The following KSR1 variants were observed in gnomAD, a reference collection of about 807,000 sequenced individuals.
KSR1 encodes kinase suppressor of ras 1.
KSR1 carries 35 observed loss-of-function variants against 92.9 expected under a neutral mutation model. The observed-to-expected ratio is 0.38, with a 90% CI of 0.29 to 0.50. KSR1 has a LOEUF of 0.50. Ranked by LOEUF, KSR1 falls within the 20% of genes least tolerant of loss-of-function variation. KSR1 has a pLI of 0.94. For missense variants in KSR1, 972 were observed against 1,158.5 expected (o/e 0.84, Z 2.34); for synonymous variants, 467 against 472.6 (o/e 0.99, Z 0.15).
At chr17:27,506,527 T>A (rs1253294725) in intron 1 of KSR1, among the ~76,000 whole-genome samples, 1 of 152,190 alleles carries the variant, frequency 6.6e-6, no homozygotes, top group Non-Finnish European at 1.5e-5. Context: ...GGTTGCACAT[T>A]TCGGTGATTT....
At chr17:27,562,908 T>C (rs1389014228) in intron 2 of KSR1, among the ~76,000 whole-genome samples, 1 of 152,204 alleles carries the variant, frequency 6.6e-6, no homozygotes, top group African/African-American at 2.4e-5. Flanking sequence ...CTTGCCAGCA[T>C]TGTGACCTTG....
intron 1 of KSR1, among the ~76,000 whole-genome samples, chr17:27,482,007 G>C (rs1367866409): frequency 6.6e-6 from 1 of 152,144 alleles, no homozygotes; most frequent in East Asian, 1.9e-4. Context: ...ATCAAATGAG[G>C]GCAACAGCTT....
At chr17:27,545,108 G>A (rs375034022) in intron 1 of KSR1, among the ~76,000 whole-genome samples, 35 of 152,302 alleles carry the variant, frequency 2.3e-4, no homozygotes, top group Admixed American at 4.6e-4. Flanking sequence ...AGCTAGCCAG[G>A]TTTATGGGTT....
At chr17:27,575,360 T>C (rs966399229) in intron 2 of KSR1, among the ~76,000 whole-genome samples, 1 of 152,228 alleles carries the variant, frequency 6.6e-6, no homozygotes, top group African/African-American at 2.4e-5. Context: ...CTTCTGGGCA[T>C]TGCCATGGCA....
intron 2 of KSR1, among the ~76,000 whole-genome samples, chr17:27,554,279 T>C (rs1262219002): frequency 1.3e-5 from 2 of 152,214 alleles, no homozygotes; most frequent in Non-Finnish European, 2.9e-5. Flanking sequence ...TCCCATGTGC[T>C]TAGCATTCCA....
chr17:27,615,424 T>A (rs2074031143), intron 18 of KSR1, among the ~76,000 whole-genome samples: 1 of 152,244 alleles, frequency 6.6e-6, no homozygotes, highest in Non-Finnish European at 1.5e-5. Context: ...GCTCACAATT[T>A]TGTTGGCTTC....
intron 1 of KSR1, among the ~76,000 whole-genome samples, chr17:27,497,549 C>A (rs531203059): frequency 6.6e-6 from 1 of 152,132 alleles, no homozygotes; most frequent in Admixed American, 6.5e-5. Flanking sequence ...GGAAACAGGC[C>A]GCAGGATCCC....
chr17:27,558,744 GTC>G (rs1335430318), intron 2 of KSR1, among the ~76,000 whole-genome samples: 1 of 150,342 alleles, frequency 6.7e-6, no homozygotes, highest in African/African-American at 2.4e-5. Context: ...AATCCGTGAA[GTC>G]TCTCTGTTTC....
At chr17:27,575,388 T>G (rs766323327) in intron 2 of KSR1, among the ~76,000 whole-genome samples, 2 of 152,206 alleles carry the variant, frequency 1.3e-5, no homozygotes, top group Non-Finnish European at 2.9e-5. Flanking sequence ...ACTGTCATGG[T>G]GCCGGTGGGA....
At chr17:27,536,156 G>A (rs2070743848) in intron 1 of KSR1, among the ~76,000 whole-genome samples, 1 of 152,212 alleles carries the variant, frequency 6.6e-6, no homozygotes, top group African/African-American at 2.4e-5. Context: ...GGCTGGGGCT[G>A]CCTGTGGGCT....
intron 2 of KSR1, among the ~76,000 whole-genome samples, chr17:27,556,609 G>T (rs1364762133): frequency 6.6e-6 from 1 of 152,184 alleles, no homozygotes; most frequent in Non-Finnish European, 1.5e-5. Context: ...CTTGTACTTG[G>T]CTGGGCAGTA....
chr17:27,597,391 C>T lies in KSR1; in HGVS notation c.1423C>T (p.Pro475Ser), dbSNP rs772879118. 6.2e-7 allele frequency: 1 copy of T among 1,613,210 alleles called. No individual in the cohort carries two copies. The part of the protein sequence containing the change: ...SSNPSSATTP[P>S]NPSPGQRDSR... ...CAACCCATCCAGCGCCACCACGCCC[C>T]CCAACCCCTCACCTGGCCAGCGGGA... is the stretch of plus-strand genomic sequence containing the variant. Residue 475 changes from proline (P) to serine (S), a missense_variant, in exon 10 of 21, where the codon CCC (proline) becomes TCC (serine). Around this residue, in one of 5 missense-constraint regions of KSR1, gnomAD observed 611 missense variants for 668.0 expected, o/e 0.91. Coordinates refer to ENST00000644974, the MANE Select transcript of KSR1 (RefSeq NM_001394583.1).
intron 1 of KSR1, among the ~76,000 whole-genome samples, chr17:27,546,684 G>A (rs996587556): frequency 6.6e-6 from 1 of 152,208 alleles, no homozygotes; most frequent in Non-Finnish European, 1.5e-5. Context: ...ACGGAGCTGG[G>A]GGGCTGGGGG....
intron 16 of KSR1, chr17:27,609,835 A>C: frequency 2.2e-6 from 1 of 450,138 alleles, no homozygotes; most frequent in African/African-American, 2.0e-5. Flanking sequence ...CCCTGTCAAT[A>C]TTTATCCATT....
At chr17:27,462,529 A>G (rs2019494548) in intron 1 of KSR1, among the ~76,000 whole-genome samples, 2 of 152,214 alleles carry the variant, frequency 1.3e-5, no homozygotes, top group Non-Finnish European at 1.5e-5. Flanking sequence ...CAGGACTCTC[A>G]GCACCATGAT....
intron 2 of KSR1, among the ~76,000 whole-genome samples, chr17:27,558,623 C>T (rs2071700681): frequency 6.6e-6 from 1 of 152,034 alleles, no homozygotes; most frequent in African/African-American, 2.4e-5. Context: ...GTACCAAAGT[C>T]ACTGCAGGAT....
intron 4 of KSR1, among the ~76,000 whole-genome samples, chr17:27,585,308 T>C (rs998034349): frequency 6.6e-6 from 1 of 152,208 alleles, no homozygotes; most frequent in African/African-American, 2.4e-5. Flanking sequence ...TGTGACCTAC[T>C]GAGCCTCCTG....
At chr17:27,550,732 AGGG>A (rs769059555) in intron 2 of KSR1, 24 bp downstream of exon 2, 3 of 755,442 alleles carry the variant, frequency 4.0e-6, no homozygotes, top group Non-Finnish European at 7.3e-6. Context: ...TTCTCAGCAT[AGGG>A]ATAGGCATGA....
intron 1 of KSR1, among the ~76,000 whole-genome samples, chr17:27,474,442 G>T (rs1266003907): frequency 6.6e-6 from 1 of 152,218 alleles, no homozygotes; most frequent in Non-Finnish European, 1.5e-5. Flanking sequence ...TAAGAGCACA[G>T]GTTCTGGTGG....
Sources: allele counts gnomAD v4.1 joint callset (sites outside exome capture counted in the v4.1 genomes callset), GRCh38; gene constraint gnomAD v4.1.1; regional missense constraint gnomAD v4.1.1; transcripts MANE v1.5; gene names NCBI Gene and HGNC (gene_info 2026-07-23, HGNC 2026-07-21).